The following DNAJC2 variants were observed in gnomAD, a reference collection of about 807,000 sequenced individuals.
DNAJC2 encodes the protein DnaJ heat shock protein family (Hsp40) member C2, also known as dnaJ homolog subfamily C member 2.
DNAJC2 carries 32 observed loss-of-function variants against 94.0 expected under a neutral mutation model. The observed-to-expected ratio is 0.34, with a 90% confidence interval of 0.26 to 0.46. The LOEUF (loss-of-function observed/expected upper bound fraction) is 0.46. Ranked by LOEUF, DNAJC2 falls within the 20% of genes least tolerant of loss-of-function variation. DNAJC2 has a pLI of 1.00. For missense variants in DNAJC2, 550 were observed against 719.5 expected, an observed-to-expected ratio of 0.76 and a Z score of 2.69; for synonymous variants, 210 against 229.7, an observed-to-expected ratio of 0.91 and a Z score of 0.77.
Position 103,316,886 on chromosome 7 carries a change from ATCT to A in DNAJC2, c.1368_1370del (p.Glu456del). ...CAGCTTTAATTAGTAATTGTAGATC[ATCT>A]TCTGACCAATTTTTACTTCCATTTC... On this transcript the variant is annotated inframe_deletion, in exon 13 of 17. Transcript: ENST00000379263. 6.2e-7 allele frequency: 1 copy of A among 1,613,980 alleles called. No homozygotes were observed.
At position 103,344,763 on chromosome 7, in the gene DNAJC2, C is replaced by G; in HGVS notation, c.-141G>C. 1 of 796,064 alleles carries G rather than the reference C, an allele frequency of 1.3e-6. No homozygotes were observed. The highest frequency in any genetic ancestry group is 2.0e-6 in the Non-Finnish European group (1 of 488,754). 49.3% of individuals were successfully genotyped at this position (796,064 alleles called of 1,614,324 possible). The stretch of plus-strand genomic sequence containing the variant: ...CCCAGGAACCGGCGCATGGAGACGA[C>G]CAGTAAGCACTTCCGGGATGGATCT... On this transcript the variant is annotated 5_prime_UTR_variant, in exon 1 of 17. Coordinates refer to ENST00000379263, the MANE Select transcript of DNAJC2 (RefSeq NM_014377.3).
chr7:103,333,164 G>A (rs1368793033), intron 3 of DNAJC2, among the ~76,000 whole-genome samples: 1 of 152,018 alleles, frequency 6.6e-6, no homozygotes, highest in Admixed American at 6.5e-5. Context: ...TGCTCAACTT[G>A]TATTTGTTTA....
chr7:103,316,135 CAAAAT>C lies in DNAJC2; in HGVS notation c.1428-52_1428-48del, dbSNP rs572868061. ...TAATATGAATAGTAGTAAGGAAAAACAAAATGAAACGACAAAAACCATTAGATTTT... is the reference window on the plus strand; with the variant it reads ...TAATATGAATAGTAGTAAGGAAAAACGAAACGACAAAAACCATTAGATTTT... On this transcript the variant is annotated intron_variant, in intron 13 of 16. Coordinates refer to ENST00000379263, the MANE Select transcript of DNAJC2 (RefSeq NM_014377.3). 1.9e-3 allele frequency: 2,348 copies of C among 1,224,220 alleles called. 5 individuals carry two copies. The highest frequency in any genetic ancestry group is 2.5e-3 in the Non-Finnish European group (2,184 of 880,950). The allele number at this position is 1,224,220 out of a possible 1,614,324, so 75.8% of individuals were successfully genotyped here. A position where few individuals can be genotyped will look rare whatever the true frequency, so the allele number is the denominator to read the frequency against.
intron 12 of DNAJC2, among the ~76,000 whole-genome samples, chr7:103,318,275 C>T (rs1382808388): frequency 1.3e-5 from 2 of 152,150 alleles, no homozygotes; most frequent in African/African-American, 4.8e-5. Flanking sequence ...AGGTAATCCT[C>T]TAACCTCAGC....
rs931826317 is a variant in DNAJC2 at position 103,327,698 on chromosome 7, T to C, written c.388A>G (p.Ile130Val). The change falls in exon 4 of 17, where the codon ATA becomes GTA. Residue 130 changes from isoleucine to valine, a missense_variant. Coordinates refer to ENST00000379263, the MANE Select transcript of DNAJC2 (RefSeq NM_014377.3). ...PDKRKAAGEP[I>V]KEGDNDYFTC... ...AAGTAGTCATTATCTCCTTCTTTTA[T>C]TGGTTCACCAGCTGCTTTCCGTTTG... is the stretch of plus-strand genomic sequence containing the variant. The C allele has an allele frequency of 2.5e-6, 4 of 1,613,480 alleles. No individual in the cohort carries two copies. Among genetic ancestry groups the C allele is most frequent in the Non-Finnish European group, 3.4e-6 (4 of 1,179,756 alleles).
At chr7:103,344,087 G>A (rs1012701490) in intron 1 of DNAJC2, among the ~76,000 whole-genome samples, 3 of 152,334 alleles carry the variant, frequency 2.0e-5, no homozygotes, top group South Asian at 4.1e-4. Context: ...TGAACACCGA[G>A]TATGAGGAGC....
At chr7:103,322,487 C>T (rs1311586494) in intron 9 of DNAJC2, 24 bp downstream of exon 9, 38 of 1,424,266 alleles carry the variant, frequency 2.7e-5, no homozygotes, top group Non-Finnish European at 3.4e-5. Context: ...ATTTAAAGTC[C>T]ACCTTCATTA....
intron 10 of DNAJC2, chr7:103,320,840 T>TC: frequency 5.2e-6 from 1 of 191,656 alleles, no homozygotes; most frequent in Non-Finnish European, 1.0e-5. Flanking sequence ...CTTTTTTTTT[T>TC]TTTTTTTTTT....
chr7:103,334,003 T>G, intron 3 of DNAJC2, among the ~76,000 whole-genome samples: 1 of 150,276 alleles, frequency 6.7e-6, no homozygotes, highest in East Asian at 2.0e-4. Flanking sequence ...CAGGCTGGAG[T>G]GCAGTGGCGT....
intron 1 of DNAJC2, among the ~76,000 whole-genome samples, chr7:103,342,308 CT>C (rs201599023): frequency 1.8e-3 from 262 of 142,916 alleles, no homozygotes; most frequent in Middle Eastern, 3.5e-3. Context: ...TATTTTTTTA[CT>C]TTTTTTTTTT....
Position 103,312,595 on chromosome 7 carries a change from G to C in DNAJC2, c.1840C>G (p.Leu614Val), listed in dbSNP as rs763956403. The C allele has an allele frequency of 2.5e-6, 4 of 1,613,402 alleles. No individual in the cohort carries two copies. In the South Asian group the frequency reaches 4.4e-5, roughly 18 times the overall value. The change falls in exon 17 of 17, where the codon CTG (leucine) becomes GTG (valine). Residue 614 changes from leucine to valine, a missense_variant. Leu to Val is a conservative substitution (Grantham distance 32, BLOSUM62 1). Coordinates refer to ENST00000379263, the MANE Select transcript of DNAJC2 (RefSeq NM_014377.3). ...CATTTCTTGGCTCTACTTGCATTCAGCACTTGTTCTTGAGCAGCTTTCTTT... is the reference window on the plus strand; with the variant it reads ...CATTTCTTGGCTCTACTTGCATTCACCACTTGTTCTTGAGCAGCTTTCTTT... ...KAKKAAQEQV[L>V]NASRAKK
rs1818015853 is a variant in DNAJC2, at chr7:103,315,773, G to A, written c.1627C>T (p.Arg543Ter). ...PQADNATPSE[R>*]FEGPYTDFTP... Reference sequence around the variant, plus strand: ...GAAAAGCAAAATTTACCTTCAAATCGTTCTGAAGGCGTTGCGTTGTCTGCT... The same window carrying A: ...GAAAAGCAAAATTTACCTTCAAATCATTCTGAAGGCGTTGCGTTGTCTGCT... Residue 543 changes from arginine to a stop codon, truncating the protein, a stop_gained, in exon 15 of 17, where the codon CGA becomes TGA. Coordinates refer to ENST00000379263, the MANE Select transcript of DNAJC2 (RefSeq NM_014377.3). LOFTEE classifies it high-confidence loss of function. 1.9e-6 allele frequency: 3 copies of A among 1,612,962 alleles called. No individual in the cohort carries two copies. Among genetic ancestry groups the A allele is most frequent in the Non-Finnish European group, 2.5e-6 (3 of 1,179,208 alleles).
rs142012248 is a variant in DNAJC2 at position 103,320,233 on chromosome 7, C to T, written c.1084-389G>A. On this transcript the variant is annotated intron_variant, in intron 10 of 16. Transcript: ENST00000379263. ...TCTCCTGAGTAGCTGGAATTACAGG[C>T]GCCTGCCACCACACCTGGCTAATTT... Among the ~76,000 whole-genome samples, 238 of 152,028 alleles carry T rather than the reference C, an allele frequency of 1.6e-3. 7 individuals carry two copies. In the East Asian group the frequency reaches 0.044, roughly 28 times the overall value.
intron 3 of DNAJC2, among the ~76,000 whole-genome samples, chr7:103,334,891 T>C (rs1487820888): frequency 6.6e-6 from 1 of 152,216 alleles, no homozygotes; most frequent in Non-Finnish European, 1.5e-5. Flanking sequence ...TGGAGTGCAA[T>C]GGTGCAATCT....
At chr7:103,330,941 T>C (rs1818944703) in intron 3 of DNAJC2, among the ~76,000 whole-genome samples, 1 of 151,956 alleles carries the variant, frequency 6.6e-6, no homozygotes. Context: ...GATTATTTTG[T>C]TCATAATACA....
chr7:103,341,539 C>G (rs114079591), intron 2 of DNAJC2, among the ~76,000 whole-genome samples: 2 of 152,150 alleles, frequency 1.3e-5, no homozygotes, highest in Non-Finnish European at 2.9e-5. Flanking sequence ...CTTTTAAGAC[C>G]GGTGCAAACA....
intron 1 of DNAJC2, among the ~76,000 whole-genome samples, chr7:103,343,022 G>A (rs994570680): frequency 2.6e-5 from 4 of 151,326 alleles, no homozygotes; most frequent in Admixed American, 2.0e-4. Context: ...TTTTTGAGAC[G>A]GAGTTTTGCT....
chr7:103,333,829 A>C (rs1819063548), intron 3 of DNAJC2, among the ~76,000 whole-genome samples: 1 of 152,196 alleles, frequency 6.6e-6, no homozygotes, highest in South Asian at 2.1e-4. Flanking sequence ...TTGTTCTTTT[A>C]AAAATTGCTG....
chr7:103,317,078 C>T lies in DNAJC2; in HGVS notation c.1243-64G>A, dbSNP rs1818111237. ...TGTATTGCTATTCTACACTCTCTTC[C>T]TGGCTAGGGCTTTGTGGTCCTCAAC... On this transcript the variant is annotated intron_variant, in intron 12 of 16. Coordinates refer to ENST00000379263, the MANE Select transcript of DNAJC2 (RefSeq NM_014377.3). The T allele has an allele frequency of 3.5e-6, 5 of 1,410,158 alleles. No individual in the cohort carries two copies. The East Asian group carries it at 9.1e-5, about 26-fold the overall frequency. The allele number at this position is 1,410,158 out of a possible 1,614,324, so 87.4% of individuals were successfully genotyped here.
Sources: gnomAD v4.1 joint callset for allele counts (sites outside exome capture counted in the v4.1 genomes callset) on GRCh38, gnomAD v4.1.1 for gene constraint, MANE v1.5 for transcripts, NCBI Gene and HGNC (gene_info 2026-07-23, HGNC 2026-07-21) for gene names.